The following CACNA1D variants were observed in gnomAD, a reference collection of about 807,000 sequenced individuals.
The protein encoded by CACNA1D is voltage-dependent L-type calcium channel subunit alpha-1D.
CACNA1D carries 55 observed loss-of-function variants against 257.1 expected under a neutral mutation model. The observed-to-expected ratio is 0.21, with a 90% CI of 0.17 to 0.27. The LOEUF is 0.27. Ranked by LOEUF, CACNA1D falls within the 10% of genes least tolerant of loss-of-function variation. The pLI, the probability that CACNA1D is intolerant of heterozygous loss-of-function variation, is 1.00. For synonymous variants in CACNA1D, 980 were observed against 1,014.9 expected (o/e 0.97, Z 0.65); for missense variants, 1,876 against 2,784.0 (o/e 0.67, Z 7.34).
Position 53,740,288 on chromosome 3 carries a change from T to C in CACNA1D, c.2760T>C (p.Gly920=). The change falls in exon 21 of 48, where the codon GGT becomes GGC. Residue 920 remains glycine (G), a synonymous_variant. Transcript: ENST00000350061. ...RSHSFRNTIL[G]YFDYAFTAIF... ...CATGTTGTGCCTTGCAGATACTGGG[T>C]TACTTTGACTATGCCTTCACAGCCA... is the stretch of plus-strand genomic sequence containing the variant. The C allele has an allele frequency of 6.2e-7, 1 of 1,611,300 alleles. No homozygotes were observed. Among genetic ancestry groups the C allele is most frequent in the Non-Finnish European group, 8.5e-7 (1 of 1,177,362 alleles).
At chr3:53,675,433 G>A (rs961527477) in intron 8 of CACNA1D, among the ~76,000 whole-genome samples, 11 of 152,134 alleles carry the variant, frequency 7.2e-5, no homozygotes, top group South Asian at 2.1e-4. Context: ...ATTCCTTGGC[G>A]CCTCATGTCT....
intron 10 of CACNA1D, among the ~76,000 whole-genome samples, chr3:53,718,972 T>C (rs2094852088): frequency 6.6e-6 from 1 of 152,054 alleles, no homozygotes; most frequent in South Asian, 2.1e-4. Context: ...GAAGGCACCA[T>C]TGCATTAACA....
Position 53,747,451 on chromosome 3 carries a change from A to C in CACNA1D, c.3314+3A>C. On this transcript the variant is annotated splice_donor_region_variant and intron_variant, in intron 26 of 47. Coordinates refer to ENST00000350061, the MANE Select transcript of CACNA1D (RefSeq NM_001128840.3). ...TCCACGTTTGAGGGCTGGCCTGCGT[A>C]AGTACAGGGAGCACACAGTCTTCTG... 1 of 1,614,120 alleles carries C rather than the reference A, an allele frequency of 6.2e-7. No homozygotes were observed. Among genetic ancestry groups the C allele is most frequent in the Non-Finnish European group, 8.5e-7 (1 of 1,179,988 alleles).
chr3:53,627,944 G>T (rs959786388), intron 3 of CACNA1D, among the ~76,000 whole-genome samples: 1 of 151,992 alleles, frequency 6.6e-6, no homozygotes, highest in Non-Finnish European at 1.5e-5. Flanking sequence ...GCTTGAACCT[G>T]GGAGGCGGAG....
chr3:53,620,289 C>T (rs1029241737), intron 3 of CACNA1D, among the ~76,000 whole-genome samples: 3 of 152,078 alleles, frequency 2.0e-5, no homozygotes, highest in Non-Finnish European at 4.4e-5. Context: ...TCGTCCATCT[C>T]TCTTTTCTTC....
chr3:53,704,025 G>A (rs2094656662), intron 9 of CACNA1D, among the ~76,000 whole-genome samples: 1 of 152,214 alleles, frequency 6.6e-6, no homozygotes, highest in African/African-American at 2.4e-5. Context: ...ACTAGCGTGA[G>A]GGAGGCGTGG....
chr3:53,732,148 T>TGCCGAGTCTGCGGCCA, intron 18 of CACNA1D, 66 bp downstream of exon 18: 1 of 1,251,782 alleles, frequency 8.0e-7, no homozygotes, highest in Non-Finnish European at 1.2e-6. Context: ...TGTGACCACC[T>TGCCGAGTCTGCGGCCA]GCCGAGTCTG....
At chr3:53,549,108 G>C (rs1246900395) in intron 3 of CACNA1D, among the ~76,000 whole-genome samples, 1 of 152,212 alleles carries the variant, frequency 6.6e-6, no homozygotes, top group Non-Finnish European at 1.5e-5. Flanking sequence ...AAGAATGAGA[G>C]AAACAGTCTG....
chr3:53,610,061 A>G (rs114088066), intron 3 of CACNA1D, among the ~76,000 whole-genome samples: 1,760 of 152,332 alleles, frequency 0.012, 39 homozygotes, highest in African/African-American at 0.04. Flanking sequence ...CAAAAGGTCA[A>G]TCATTGACTT....
intron 9 of CACNA1D, among the ~76,000 whole-genome samples, chr3:53,705,725 A>G (rs2094681349): frequency 6.6e-6 from 1 of 152,156 alleles, no homozygotes; most frequent in Non-Finnish European, 1.5e-5. Context: ...GATTTAGCTG[A>G]CTTGAGAGCA....
chr3:53,716,765 C>T (rs998988875), intron 9 of CACNA1D, among the ~76,000 whole-genome samples: 6 of 152,158 alleles, frequency 3.9e-5, no homozygotes, highest in Non-Finnish European at 7.3e-5. Context: ...TGTTCCTGGG[C>T]ATGGCGTGGA....
intron 3 of CACNA1D, among the ~76,000 whole-genome samples, chr3:53,565,830 G>A (rs2092824383): frequency 6.6e-6 from 1 of 152,114 alleles, no homozygotes; most frequent in South Asian, 2.1e-4. Context: ...ACTGTCTATT[G>A]GAGGAATTGA....
chr3:53,783,673 A>T (rs1576654708), intron 39 of CACNA1D, among the ~76,000 whole-genome samples: 2 of 152,252 alleles, frequency 1.3e-5, no homozygotes, highest in Non-Finnish European at 2.9e-5. Context: ...GGCAGTGGCC[A>T]TCAGGCTTTG....
chr3:53,600,885 G>A (rs2093432760), intron 3 of CACNA1D, among the ~76,000 whole-genome samples: 1 of 152,170 alleles, frequency 6.6e-6, no homozygotes, highest in Admixed American at 6.5e-5. Context: ...GATTGAAACA[G>A]ATAATCCTCC....
chr3:53,627,507 A>C (rs997554420), intron 3 of CACNA1D, among the ~76,000 whole-genome samples: 1 of 151,036 alleles, frequency 6.6e-6, no homozygotes, highest in Middle Eastern at 3.2e-3. Flanking sequence ...CGTTTCTTAG[A>C]TCTAGGAAGG....
Position 53,810,103 on chromosome 3 carries a change from C to G in CACNA1D, c.5997C>G (p.Pro1999=), listed in dbSNP as rs747422759. ...PYRDWTPCYT[P]LIQVEQSEAL... ...GGGACTGGACACCGTGCTACACCCC[C>G]CTGATCCAAGTGGAGCAGTCAGAGG... is the stretch of plus-strand genomic sequence containing the variant. Residue 1999 remains proline (P), a synonymous_variant, in exon 47 of 48, where the codon CCC becomes CCG. Transcript: ENST00000350061. 38 of 1,613,912 alleles carry G rather than the reference C, an allele frequency of 2.4e-5. No individual in the cohort carries two copies. The highest frequency in any genetic ancestry group is 4.5e-5 in the East Asian group (2 of 44,902).
Position 53,548,976 on chromosome 3 carries a change from ATAAT to A in CACNA1D, c.483+47258_483+47261del, listed in dbSNP as rs1331679290. Among the ~76,000 whole-genome samples the A allele has an allele frequency of 2.0e-5, 3 of 152,228 alleles. No homozygotes were observed. In the East Asian group the frequency reaches 5.8e-4, roughly 29 times the overall value. On this transcript the variant is annotated intron_variant, in intron 3 of 47. Coordinates refer to ENST00000350061, the MANE Select transcript of CACNA1D (RefSeq NM_001128840.3). Reference sequence around the variant, plus strand: ...ACTTGTTAGATATCATTAGTTAAAAATAATTGATGTTGGGGGTGTTGAGCAGTAA... The same window carrying A: ...ACTTGTTAGATATCATTAGTTAAAAATGATGTTGGGGGTGTTGAGCAGTAA...
At chr3:53,662,455 C>T (rs989974676) in intron 5 of CACNA1D, among the ~76,000 whole-genome samples, 1 of 152,152 alleles carries the variant, frequency 6.6e-6, no homozygotes, top group African/African-American at 2.4e-5. Context: ...CCCTGTCCTT[C>T]CGTGTTGGAC....
chr3:53,616,576 C>G (rs2093639457), intron 3 of CACNA1D, among the ~76,000 whole-genome samples: 1 of 152,196 alleles, frequency 6.6e-6, no homozygotes, highest in African/African-American at 2.4e-5. Context: ...ACCCCCTGAC[C>G]TAATGCTGTG....
Sources: allele counts gnomAD v4.1 joint callset (sites outside exome capture counted in the v4.1 genomes callset), GRCh38; gene constraint gnomAD v4.1.1; transcripts MANE v1.5; gene names NCBI Gene and HGNC (gene_info 2026-07-23, HGNC 2026-07-21).